ATXN7L1: variants seen among roughly 807,000 people sequenced by gnomAD.
The protein encoded by ATXN7L1 is ataxin-7-like protein 1.
A neutral mutation model predicts 70.8 loss-of-function variants in ATXN7L1; 15 were observed. That is an observed-to-expected ratio of 0.21 (90% CI 0.14 to 0.33). The LOEUF is 0.33. Ranked by LOEUF, ATXN7L1 falls within the 10% of genes least tolerant of loss-of-function variation. The pLI, the probability that ATXN7L1 is intolerant of heterozygous loss-of-function variation, is 1.00. For missense variants in ATXN7L1, 975 were observed against 1,097.1 expected (o/e 0.89, Z 1.57); for synonymous variants, 440 against 445.1 (o/e 0.99, Z 0.14).
At chr7:105,685,174 T>G (rs1806026894) in intron 3 of ATXN7L1, among the ~76,000 whole-genome samples, 1 of 152,150 alleles carries the variant, frequency 6.6e-6, no homozygotes, top group African/African-American at 2.4e-5. Context: ...GAAGGAGCAC[T>G]GACATCCAAG....
Position 105,712,607 on chromosome 7 carries a change from A to G in ATXN7L1, c.356-47319T>C, listed in dbSNP as rs1287080871. 5.9e-5 allele frequency among the ~76,000 whole-genome samples: 9 copies of G among 152,284 alleles called. No homozygotes were observed. In the East Asian group the frequency reaches 1.7e-3, roughly 29 times the overall value. On this transcript the variant is annotated intron_variant, in intron 3 of 11. Coordinates refer to ENST00000419735, the MANE Select transcript of ATXN7L1 (RefSeq NM_020725.2). ...TCAAAGTTCCACAGATCCCTAGGGC[A>G]GGGGGGAAATGCTGCCAGTCTCTTT...
At chr7:105,660,983 T>C (rs1247899489) in intron 4 of ATXN7L1, among the ~76,000 whole-genome samples, 1 of 152,198 alleles carries the variant, frequency 6.6e-6, no homozygotes, top group Non-Finnish European at 1.5e-5. Flanking sequence ...TTGTACTGTG[T>C]TAGCTTATGT....
intron 2 of ATXN7L1, among the ~76,000 whole-genome samples, chr7:105,864,493 G>C (rs1216692101): frequency 6.9e-6 from 1 of 144,694 alleles, no homozygotes; most frequent in Non-Finnish European, 1.5e-5. Flanking sequence ...GGACATTCCT[G>C]GTTCCTGTGC....
intron 2 of ATXN7L1, among the ~76,000 whole-genome samples, chr7:105,818,552 C>A (rs1245092576): frequency 1.3e-5 from 2 of 152,142 alleles, no homozygotes; most frequent in African/African-American, 4.8e-5. Flanking sequence ...TCTGTAATGG[C>A]CCAAATTCAA....
At chr7:105,623,494 G>T (rs1054629207) in intron 8 of ATXN7L1, among the ~76,000 whole-genome samples, 1 of 152,202 alleles carries the variant, frequency 6.6e-6, no homozygotes, top group Non-Finnish European at 1.5e-5. Context: ...CAAGGAAATG[G>T]AAAGAAAGTG....
At chr7:105,749,683 T>C (rs867637791) in intron 3 of ATXN7L1, among the ~76,000 whole-genome samples, 2 of 151,926 alleles carry the variant, frequency 1.3e-5, no homozygotes, top group South Asian at 4.2e-4. Context: ...ATATCTTTCA[T>C]ATCCTTGGAT....
At chr7:105,835,885 T>TTC (rs566323199) in intron 2 of ATXN7L1, among the ~76,000 whole-genome samples, 321 of 151,694 alleles carry the variant, frequency 2.1e-3, no homozygotes, top group African/African-American at 7.1e-3. Flanking sequence ...AGTGGCACCC[T>TTC]TCTCTCTCTC....
chr7:105,655,080 G>T (rs1800410727), intron 4 of ATXN7L1, among the ~76,000 whole-genome samples: 1 of 152,072 alleles, frequency 6.6e-6, no homozygotes, highest in Admixed American at 6.6e-5. Context: ...AGCTGTCTTG[G>T]TCTTACTTTT....
At chr7:105,763,922 C>T (rs1385888318) in intron 3 of ATXN7L1, among the ~76,000 whole-genome samples, 3 of 152,084 alleles carry the variant, frequency 2.0e-5, no homozygotes, top group Non-Finnish European at 2.9e-5. Flanking sequence ...GGCGTGTTCT[C>T]GGTTCACTGC....
At chr7:105,781,547 C>T (rs1803534973) in intron 3 of ATXN7L1, among the ~76,000 whole-genome samples, 1 of 152,182 alleles carries the variant, frequency 6.6e-6, no homozygotes, top group African/African-American at 2.4e-5. Flanking sequence ...ACAGCTCTGA[C>T]AAGACGAAGA....
chr7:105,683,444 C>T (rs574242231), intron 3 of ATXN7L1, among the ~76,000 whole-genome samples: 1 of 152,204 alleles, frequency 6.6e-6, no homozygotes, highest in South Asian at 2.1e-4. Context: ...CTTTGGGAGG[C>T]CAGGGTGGCA....
intron 9 of ATXN7L1, chr7:105,617,916 C>T: frequency 2.2e-6 from 1 of 456,642 alleles, no homozygotes; most frequent in Non-Finnish European, 4.4e-6. Flanking sequence ...GCTGCCATCC[C>T]TCCAGGTTCG....
intron 3 of ATXN7L1, among the ~76,000 whole-genome samples, chr7:105,781,502 C>T (rs1803528093): frequency 6.6e-6 from 1 of 152,190 alleles, no homozygotes; most frequent in Admixed American, 6.5e-5. Flanking sequence ...CTGCCCTGTC[C>T]CTGGATTCTC....
At chr7:105,609,330 C>T (rs1263569438) in intron 11 of ATXN7L1, among the ~76,000 whole-genome samples, 2 of 151,764 alleles carry the variant, frequency 1.3e-5, no homozygotes, top group Admixed American at 6.6e-5. Flanking sequence ...CCACCATGCC[C>T]AGCTAATTTT....
chr7:105,626,523 T>G (rs916258766), intron 7 of ATXN7L1, among the ~76,000 whole-genome samples: 1 of 152,214 alleles, frequency 6.6e-6, no homozygotes, highest in East Asian at 1.9e-4. Context: ...CAAGGCCACA[T>G]GTAGTTTTTC....
intron 4 of ATXN7L1, among the ~76,000 whole-genome samples, chr7:105,645,522 C>A (rs553692841): frequency 6.6e-6 from 1 of 150,886 alleles, no homozygotes; most frequent in African/African-American, 2.4e-5. Flanking sequence ...ATTGGCCACA[C>A]GTGGTGGCTC....
intron 3 of ATXN7L1, among the ~76,000 whole-genome samples, chr7:105,670,879 GAT>G (rs1803459026): frequency 6.6e-6 from 1 of 152,044 alleles, no homozygotes; most frequent in African/African-American, 2.4e-5. Flanking sequence ...GGCCGAGGCG[GAT>G]GGATCACGAG....
intron 2 of ATXN7L1, among the ~76,000 whole-genome samples, chr7:105,830,108 G>A (rs545529845): frequency 1.3e-5 from 2 of 152,274 alleles, no homozygotes; most frequent in East Asian, 1.9e-4. Flanking sequence ...GCCCTGGGAG[G>A]CTCAGTTATT....
At chr7:105,684,902 G>A (rs962463881) in intron 3 of ATXN7L1, among the ~76,000 whole-genome samples, 1 of 152,292 alleles carries the variant, frequency 6.6e-6, no homozygotes, top group South Asian at 2.1e-4. Flanking sequence ...TCCCTGGTAG[G>A]ATCTTGTGGG....
Sources: allele counts gnomAD v4.1 joint callset (sites outside exome capture counted in the v4.1 genomes callset), GRCh38; gene constraint gnomAD v4.1.1; transcripts MANE v1.5; gene names NCBI Gene and HGNC (gene_info 2026-07-23, HGNC 2026-07-21).